EPB41L2: variants seen among roughly 807,000 people sequenced by gnomAD.
EPB41L2 encodes erythrocyte membrane protein band 4.1 like 2.
Under a neutral mutation model 113.0 loss-of-function variants are expected in EPB41L2, and 43 were observed. The observed-to-expected ratio is 0.38, with a 90% CI of 0.30 to 0.49. The LOEUF (loss-of-function observed/expected upper bound fraction) is 0.49. Ranked by LOEUF, EPB41L2 falls within the 20% of genes least tolerant of loss-of-function variation. EPB41L2 has a pLI of 0.95. For synonymous variants in EPB41L2, 442 were observed against 436.7 expected (o/e 1.01, Z -0.15); for missense variants, 1,147 against 1,223.4 (o/e 0.94, Z 0.93).
At chr6:130,938,607 A>G (rs543351571) in intron 3 of EPB41L2, among the ~76,000 whole-genome samples, 1 of 152,306 alleles carries the variant, frequency 6.6e-6, no homozygotes, top group African/African-American at 2.4e-5. Context: ...AAAAGGCTGT[A>G]CTACTGGTAG....
In EPB41L2 at chr6:130,869,931, C is replaced by G. The variant is rs201873243; in HGVS notation, c.2239G>C (p.Glu747Gln). Reference sequence around the variant, plus strand: ...TCTCCCACGTCTTCCTCCTCACTCTCACTGCTGCTGCTGCTGCTCTCAGAA... The same window carrying G: ...TCTCCCACGTCTTCCTCCTCACTCTGACTGCTGCTGCTGCTGCTCTCAGAA... ...LSSESSSSSS[E>Q]SEEEDVGEYR... Residue 747 changes from glutamate (E) to glutamine (Q), a missense_variant, in exon 15 of 20, where the codon GAG becomes CAG. Physicochemically the swap from Glu to Gln is conservative, Grantham distance 29. Transcript: ENST00000337057. 1.5e-5 allele frequency: 25 copies of G among 1,613,138 alleles called. No homozygotes were observed. The Admixed American group carries it at 4.2e-4, about 27-fold the overall frequency.
At chr6:130,902,912 AAGCCT>A (rs1796682884) in intron 6 of EPB41L2, among the ~76,000 whole-genome samples, 2 of 152,268 alleles carry the variant, frequency 1.3e-5, no homozygotes, top group Admixed American at 1.3e-4. Flanking sequence ...CCCTTCTCAG[AAGCCT>A]ACCCCAGCTT....
intron 3 of EPB41L2, among the ~76,000 whole-genome samples, chr6:130,946,689 T>C (rs1201416632): frequency 5.3e-5 from 8 of 152,012 alleles, no homozygotes; most frequent in Non-Finnish European, 8.8e-5. Flanking sequence ...ATAAAATACA[T>C]ATAAATATAT....
intron 1 of EPB41L2, among the ~76,000 whole-genome samples, chr6:130,986,042 T>A (rs4895901): frequency 7.2e-5 from 11 of 152,028 alleles, no homozygotes; most frequent in Admixed American, 1.3e-4. Flanking sequence ...CCAACATCCC[T>A]ATAAACATAC....
chr6:130,867,616 G>A, intron 15 of EPB41L2, 35 bp from the exon 16 acceptor site: 1 of 1,612,400 alleles, frequency 6.2e-7, no homozygotes, highest in Admixed American at 1.7e-5. Context: ...ATAAATTCTA[G>A]AGGTAATAAA....
chr6:131,046,358 C>T (rs978947284), intron 1 of EPB41L2, among the ~76,000 whole-genome samples: 2 of 152,132 alleles, frequency 1.3e-5, no homozygotes, highest in African/African-American at 4.8e-5. Flanking sequence ...AGCAACATCA[C>T]TTGACCACCG....
intron 1 of EPB41L2, among the ~76,000 whole-genome samples, chr6:130,989,504 G>C (rs1046201863): frequency 6.6e-6 from 1 of 152,172 alleles, no homozygotes; most frequent in African/African-American, 2.4e-5. Flanking sequence ...AACTGCGGGA[G>C]AGTTGATATT....
intron 1 of EPB41L2, among the ~76,000 whole-genome samples, chr6:131,041,655 A>T (rs1027499748): frequency 6.6e-6 from 1 of 152,188 alleles, no homozygotes; most frequent in Admixed American, 6.5e-5. Flanking sequence ...TGCAATCAAC[A>T]AATTCCAGAA....
intron 3 of EPB41L2, among the ~76,000 whole-genome samples, chr6:130,951,634 A>G (rs940738965): frequency 2.6e-5 from 4 of 151,844 alleles, no homozygotes; most frequent in African/African-American, 9.7e-5. Flanking sequence ...AGCCTCATTA[A>G]TTTTAATGGC....
chr6:130,946,585 C>T (rs1239590162), intron 3 of EPB41L2, among the ~76,000 whole-genome samples: 1 of 151,528 alleles, frequency 6.6e-6, no homozygotes, highest in African/African-American at 2.4e-5. Context: ...GTTGATAGCC[C>T]ACAGGAAAAA....
chr6:131,049,441 T>C (rs1265119505), intron 1 of EPB41L2, among the ~76,000 whole-genome samples: 1 of 152,244 alleles, frequency 6.6e-6, no homozygotes, highest in East Asian at 1.9e-4. Flanking sequence ...AGTTTTCCTT[T>C]TTCTCTTTAA....
chr6:131,012,187 T>A (rs1787175032), intron 1 of EPB41L2, among the ~76,000 whole-genome samples: 1 of 151,398 alleles, frequency 6.6e-6, no homozygotes, highest in African/African-American at 2.4e-5. Flanking sequence ...GCTGGGCAAC[T>A]GAGGGAGACT....
At chr6:130,921,630 G>A (rs74462988) in intron 4 of EPB41L2, among the ~76,000 whole-genome samples, 26 of 152,240 alleles carry the variant, frequency 1.7e-4, no homozygotes, top group Admixed American at 3.9e-4. Context: ...AATACTGGCC[G>A]TAATTCTCAA....
chr6:130,913,819 T>C (rs1312948569), intron 4 of EPB41L2, among the ~76,000 whole-genome samples: 7 of 151,922 alleles, frequency 4.6e-5, no homozygotes, highest in Non-Finnish European at 2.9e-5. Context: ...CAGTAAATAA[T>C]AAAAATTAAT....
chr6:131,034,473 A>G (rs1792889963), intron 1 of EPB41L2, among the ~76,000 whole-genome samples: 1 of 152,220 alleles, frequency 6.6e-6, no homozygotes, highest in Admixed American at 6.5e-5. Flanking sequence ...CCGGGGCTAC[A>G]GTGAGCCAAG....
intron 13 of EPB41L2, 25 bp from the exon 14 acceptor site, chr6:130,878,275 G>C (rs1205138634): frequency 1.1e-5 from 18 of 1,573,222 alleles, no homozygotes; most frequent in Admixed American, 3.8e-5. Context: ...CGTAACAAAG[G>C]GGGGAAAAAT....
intron 1 of EPB41L2, among the ~76,000 whole-genome samples, chr6:131,051,548 G>A (rs1796563200): frequency 1.3e-5 from 2 of 151,546 alleles, no homozygotes; most frequent in African/African-American, 4.9e-5. Flanking sequence ...AAGATGGAAA[G>A]CAGATGTACA....
chr6:131,043,742 C>T (rs1187160490), intron 1 of EPB41L2, among the ~76,000 whole-genome samples: 1 of 152,118 alleles, frequency 6.6e-6, no homozygotes, highest in Non-Finnish European at 1.5e-5. Context: ...TATGTGATGA[C>T]ATTAAGGATT....
At chr6:130,981,457 A>C (rs1018198212) in intron 1 of EPB41L2, among the ~76,000 whole-genome samples, 1 of 152,204 alleles carries the variant, frequency 6.6e-6, no homozygotes, top group Non-Finnish European at 1.5e-5. Flanking sequence ...TTAAAAGACA[A>C]GATAATGAAG....
Sources: allele counts gnomAD v4.1 joint callset (sites outside exome capture counted in the v4.1 genomes callset), GRCh38; gene constraint gnomAD v4.1.1; transcripts MANE v1.5; gene names NCBI Gene and HGNC (gene_info 2026-07-23, HGNC 2026-07-21).